The following INSYN2A variants were observed in gnomAD, a reference collection of about 807,000 sequenced individuals.
INSYN2A encodes the protein inhibitory synaptic factor 2A.
A neutral mutation model predicts 39.4 loss-of-function variants in INSYN2A; 17 were observed. That is an observed-to-expected ratio of 0.43 (90% CI 0.30 to 0.65). The LOEUF is 0.65. Ranked by LOEUF, INSYN2A falls within the 30% of genes least tolerant of loss-of-function variation. The probability of loss-of-function intolerance (pLI) is 0.14; values close to 1 mark genes in which losing one functional copy is unlikely to be tolerated. For missense variants in INSYN2A, 595 were observed against 631.2 expected (o/e 0.94, Z 0.61); for synonymous variants, 255 against 265.7 (o/e 0.96, Z 0.39).
intron 4 of INSYN2A, among the ~76,000 whole-genome samples, chr10:127,173,436 T>G (rs966917465): frequency 6.6e-6 from 1 of 152,206 alleles, no homozygotes; most frequent in African/African-American, 2.4e-5. Flanking sequence ...CCATACTTGT[T>G]CTAAGAGGAG....
intron 5 of INSYN2A, among the ~76,000 whole-genome samples, chr10:127,151,306 T>C (rs138531204): frequency 7.2e-4 from 109 of 152,280 alleles, no homozygotes; most frequent in African/African-American, 2.5e-3. Context: ...TTTATTTCAT[T>C]GACAGGACTC....
intron 5 of INSYN2A, chr10:127,146,154 C>T (rs776671277): frequency 5.1e-5 from 22 of 427,270 alleles, no homozygotes; most frequent in Non-Finnish European, 1.0e-4. Flanking sequence ...GCGTAGTCCC[C>T]TCATGCTGTT....
At chr10:127,189,931 A>C (rs912929744) in intron 2 of INSYN2A, among the ~76,000 whole-genome samples, 45 of 152,322 alleles carry the variant, frequency 3.0e-4, no homozygotes, top group Admixed American at 2.9e-3. Flanking sequence ...CGTCAAATTG[A>C]GATGTGAGGT....
intron 2 of INSYN2A, among the ~76,000 whole-genome samples, chr10:127,192,148 C>G (rs1276749072): frequency 6.6e-6 from 1 of 152,124 alleles, no homozygotes; most frequent in Non-Finnish European, 1.5e-5. Flanking sequence ...AGACTCTCTT[C>G]TTTTCTTTTT....
In INSYN2A at chr10:127,151,785, C is replaced by T. The variant is rs530267675; in HGVS notation, c.1256+2067G>A. 1.7e-4 allele frequency among the ~76,000 whole-genome samples: 26 copies of T among 152,294 alleles called. 1 individual carries two copies. The South Asian group carries it at 4.8e-3, about 28-fold the overall frequency. On this transcript the variant is annotated intron_variant, in intron 5 of 5. Coordinates refer to ENST00000522781, the MANE Select transcript of INSYN2A (RefSeq NM_001039762.3). ...CAAATTCCTGTGGTGCTTGGTCACTCGCAGTTCTTCTAGCAAGTGGACCAG... is the reference window on the plus strand; with the variant it reads ...CAAATTCCTGTGGTGCTTGGTCACTTGCAGTTCTTCTAGCAAGTGGACCAG...
At chr10:127,165,762 T>C (rs2054016324) in intron 4 of INSYN2A, among the ~76,000 whole-genome samples, 1 of 152,182 alleles carries the variant, frequency 6.6e-6, no homozygotes, top group Non-Finnish European at 1.5e-5. Flanking sequence ...CGTTGCATCC[T>C]GGCACCCAGA....
chr10:127,171,734 C>T (rs139698818), intron 4 of INSYN2A, among the ~76,000 whole-genome samples: 31 of 152,230 alleles, frequency 2.0e-4, no homozygotes, highest in East Asian at 5.8e-4. Context: ...GATGGAGTCT[C>T]GCTCTGTTGC....
chr10:127,150,478 G>A (rs1322384655), intron 5 of INSYN2A, among the ~76,000 whole-genome samples: 1 of 152,198 alleles, frequency 6.6e-6, no homozygotes, highest in Non-Finnish European at 1.5e-5. Context: ...TGATGTGCTA[G>A]ATTAACCATA....
At chr10:127,167,168 G>A (rs1217191049) in intron 4 of INSYN2A, among the ~76,000 whole-genome samples, 1 of 152,108 alleles carries the variant, frequency 6.6e-6, no homozygotes, top group Non-Finnish European at 1.5e-5. Context: ...AAAAAGGCTT[G>A]CTGTGACCCT....
At chr10:127,180,584 A>G (rs940542063) in intron 2 of INSYN2A, among the ~76,000 whole-genome samples, 1 of 152,218 alleles carries the variant, frequency 6.6e-6, no homozygotes, top group Non-Finnish European at 1.5e-5. Context: ...TGAGCTGTAA[A>G]TACATAAACC....
chr10:127,164,032 C>T (rs1469127710), intron 4 of INSYN2A, among the ~76,000 whole-genome samples: 1 of 151,836 alleles, frequency 6.6e-6, no homozygotes, highest in African/African-American at 2.4e-5. Context: ...GCTGGTGGAT[C>T]GTGGCAAAGC....
At chr10:127,150,197 C>T (rs553545496) in intron 5 of INSYN2A, among the ~76,000 whole-genome samples, 4 of 152,290 alleles carry the variant, frequency 2.6e-5, no homozygotes, top group South Asian at 4.1e-4. Flanking sequence ...ATAGGTGACT[C>T]CTCCTGCCCA....
In INSYN2A at chr10:127,190,828, A is replaced by G. The variant is rs374645770; in HGVS notation, c.-269+1777T>C. On this transcript the variant is annotated intron_variant, in intron 2 of 5. Coordinates refer to ENST00000522781, the MANE Select transcript of INSYN2A (RefSeq NM_001039762.3). ...AAGGTTTTACTCATAGCTGCCCCCT[A>G]ACTTACTTCCCAGTGCTACTGAGAC... Among the ~76,000 whole-genome samples, 17 of 151,674 alleles carry G rather than the reference A, an allele frequency of 1.1e-4. No homozygotes were observed. The East Asian group carries it at 2.9e-3, about 26-fold the overall frequency.
chr10:127,160,263 T>C (rs191254677), intron 4 of INSYN2A, among the ~76,000 whole-genome samples: 1 of 152,284 alleles, frequency 6.6e-6, no homozygotes, highest in Non-Finnish European at 1.5e-5. Flanking sequence ...GTAATTACAG[T>C]ACTAGTATTG....
intron 2 of INSYN2A, among the ~76,000 whole-genome samples, chr10:127,178,430 G>C (rs926309399): frequency 8.5e-5 from 13 of 152,124 alleles, no homozygotes; most frequent in African/African-American, 3.1e-4. Context: ...GCAGTCCCTG[G>C]CTTCTCCCCA....
intron 4 of INSYN2A, among the ~76,000 whole-genome samples, chr10:127,154,261 T>C (rs2052806109): frequency 6.6e-6 from 1 of 152,246 alleles, no homozygotes; most frequent in African/African-American, 2.4e-5. Context: ...ACCAACCACA[T>C]ACACATATGC....
At chr10:127,182,908 A>T (rs2055869268) in intron 2 of INSYN2A, among the ~76,000 whole-genome samples, 1 of 152,066 alleles carries the variant, frequency 6.6e-6, no homozygotes, top group South Asian at 2.1e-4. Flanking sequence ...ATGAAGCAAC[A>T]ATCAGCTGGT....
intron 5 of INSYN2A, among the ~76,000 whole-genome samples, chr10:127,142,038 G>T (rs1217737394): frequency 1.3e-5 from 2 of 152,226 alleles, no homozygotes; most frequent in Admixed American, 6.5e-5. Flanking sequence ...GCTTGTGAGT[G>T]ACCAGCTACC....
At chr10:127,178,056 A>G (rs2055347634) in intron 2 of INSYN2A, among the ~76,000 whole-genome samples, 1 of 152,142 alleles carries the variant, frequency 6.6e-6, no homozygotes. Flanking sequence ...CTGAGTTAGC[A>G]TGACAGGCCG....
Sources: allele counts gnomAD v4.1 joint callset (sites outside exome capture counted in the v4.1 genomes callset), GRCh38; gene constraint gnomAD v4.1.1; transcripts MANE v1.5; gene names NCBI Gene and HGNC (gene_info 2026-07-23, HGNC 2026-07-21).